Variants in SRD5A2 observed in about 807,000 individuals in gnomAD.
SRD5A2 encodes the protein 3-oxo-5-alpha-steroid 4-dehydrogenase 2.
In SRD5A2, 30 loss-of-function variants were observed where a neutral mutation model predicts 27.4. The observed-to-expected ratio is 1.10, with a 90% CI of 0.82 to 1.49. SRD5A2 has a LOEUF of 1.49. Among genes scored for constraint, SRD5A2 ranks in the 40% most tolerant of loss-of-function variants. The pLI, the probability that SRD5A2 is intolerant of heterozygous loss-of-function variation, is 0.00. For synonymous variants in SRD5A2, 141 were observed against 133.6 expected (o/e 1.06, Z -0.38); for missense variants, 348 against 323.4 (o/e 1.08, Z -0.58).
chr2:31,548,213 G>C (rs1350390241), intron 1 of SRD5A2, among the ~76,000 whole-genome samples: 1 of 152,052 alleles, frequency 6.6e-6, no homozygotes, highest in Non-Finnish European at 1.5e-5. Flanking sequence ...GCTACCAAAG[G>C]TGCAGCCAAC....
chr2:31,595,202 TATC>T, the SRD5A2 span, among the ~76,000 whole-genome samples: 1 of 151,588 alleles, frequency 6.6e-6, no homozygotes, highest in African/African-American at 2.4e-5. Context: ...AAAATAAAAA[TATC>T]AGTGCAAAAC....
At chr2:31,612,963 C>T in the SRD5A2 span, among the ~76,000 whole-genome samples, 1 of 152,096 alleles carries the variant, frequency 6.6e-6, no homozygotes, top group Non-Finnish European at 1.5e-5. Context: ...TGGACATCCA[C>T]ATGCAGAAGA....
the SRD5A2 span, among the ~76,000 whole-genome samples, chr2:31,603,506 G>A: frequency 3.3e-5 from 5 of 151,808 alleles, no homozygotes; most frequent in African/African-American, 9.7e-5. Flanking sequence ...AGACCTAGAG[G>A]CAAAAATACC....
At chr2:31,604,642 A>G in the SRD5A2 span, among the ~76,000 whole-genome samples, 3 of 151,884 alleles carry the variant, frequency 2.0e-5, no homozygotes, top group African/African-American at 7.2e-5. Context: ...AACATTGATG[A>G]AAGAAGTTGA....
intron 1 of SRD5A2, among the ~76,000 whole-genome samples, chr2:31,553,270 G>A (rs1666417626): frequency 1.3e-5 from 2 of 152,010 alleles, no homozygotes; most frequent in South Asian, 2.1e-4. Context: ...AAAGCCTAAG[G>A]GACATATGAG....
upstream of SRD5A2, chr2:31,581,027 T>G (rs917298959): frequency 2.9e-5 from 30 of 1,051,480 alleles, no homozygotes; most frequent in African/African-American, 1.2e-4. Context: ...CCCTCCATCC[T>G]GCCTCCCACC....
At chr2:31,587,901 C>G in the SRD5A2 span, among the ~76,000 whole-genome samples, 1 of 152,108 alleles carries the variant, frequency 6.6e-6, no homozygotes, top group Non-Finnish European at 1.5e-5. Flanking sequence ...TATCCCAGAA[C>G]TTAAAGTAGA....
At chr2:31,619,137 G>A in the SRD5A2 span, among the ~76,000 whole-genome samples, 9 of 152,032 alleles carry the variant, frequency 5.9e-5, no homozygotes, top group African/African-American at 1.9e-4. Context: ...TCTCAGGATG[G>A]CTATAATCAA....
chr2:31,590,412 C>G, the SRD5A2 span, among the ~76,000 whole-genome samples: 4 of 152,046 alleles, frequency 2.6e-5, no homozygotes, highest in African/African-American at 9.7e-5. Context: ...AAGTAGGATT[C>G]CTAGGTATTT....
At chr2:31,615,548 A>C in the SRD5A2 span, among the ~76,000 whole-genome samples, 1 of 152,252 alleles carries the variant, frequency 6.6e-6, no homozygotes, top group African/African-American at 2.4e-5. Context: ...ATTTCTGAGC[A>C]GCAAAGCATT....
At chr2:31,593,273 A>C in the SRD5A2 span, among the ~76,000 whole-genome samples, 1 of 152,184 alleles carries the variant, frequency 6.6e-6, no homozygotes, top group Non-Finnish European at 1.5e-5. Flanking sequence ...TAATAAAAAA[A>C]AGAAATTTTC....
At chr2:31,643,228 C>T in the SRD5A2 span, among the ~76,000 whole-genome samples, 3 of 152,104 alleles carry the variant, frequency 2.0e-5, no homozygotes, top group East Asian at 1.9e-4. Context: ...TTGCTTTGCA[C>T]GGAAGTATGG....
Position 31,551,193 on chromosome 2 carries a change from A to T in SRD5A2, c.282-17427T>A, listed in dbSNP as rs1295798601. 2.6e-5 allele frequency among the ~76,000 whole-genome samples: 4 copies of T among 152,118 alleles called. No homozygotes were observed. In the East Asian group the frequency reaches 7.7e-4, roughly 29 times the overall value. ...AGTGAAAACTCCAAAGAATTAATAA[A>T]ATAAATTAAAGATCTTTTTTAAATG... On this transcript the variant is annotated intron_variant, in intron 1 of 4. Transcript: ENST00000622030.
chr2:31,652,686 G>C, the SRD5A2 span, among the ~76,000 whole-genome samples: 1 of 152,158 alleles, frequency 6.6e-6, no homozygotes, highest in African/African-American at 2.4e-5. Context: ...AGCTAAAAAA[G>C]CACACAGTGT....
intron 1 of SRD5A2, among the ~76,000 whole-genome samples, chr2:31,544,966 T>A (rs970129004): frequency 6.6e-6 from 1 of 151,720 alleles, no homozygotes; most frequent in Non-Finnish European, 1.5e-5. Flanking sequence ...AAGTTCAGAT[T>A]CCTAGAAATA....
the SRD5A2 span, among the ~76,000 whole-genome samples, chr2:31,605,298 G>A: frequency 6.6e-6 from 1 of 151,770 alleles, no homozygotes; most frequent in Non-Finnish European, 1.5e-5. Context: ...GGACAAATGG[G>A]ATCACAAATT....
At chr2:31,566,102 C>T (rs1373588631) in intron 1 of SRD5A2, among the ~76,000 whole-genome samples, 2 of 151,968 alleles carry the variant, frequency 1.3e-5, no homozygotes, top group Non-Finnish European at 2.9e-5. Context: ...TAACACCCTT[C>T]TAAATAACCC....
At chr2:31,557,878 A>G (rs1457595020) in intron 1 of SRD5A2, among the ~76,000 whole-genome samples, 1 of 152,252 alleles carries the variant, frequency 6.6e-6, no homozygotes, top group East Asian at 1.9e-4. Context: ...TCCAGGCCTG[A>G]CACAGGTCAG....
the SRD5A2 span, among the ~76,000 whole-genome samples, chr2:31,586,595 T>C: frequency 2.0e-5 from 3 of 152,084 alleles, no homozygotes; most frequent in African/African-American, 7.2e-5. Flanking sequence ...AAAATAAGAG[T>C]ATCTGCCTGG....
Sources: gnomAD v4.1 joint callset for allele counts (sites outside exome capture counted in the v4.1 genomes callset) on GRCh38, gnomAD v4.1.1 for gene constraint, MANE v1.5 for transcripts, NCBI Gene and HGNC (gene_info 2026-07-23, HGNC 2026-07-21) for gene names.